MYO3B: variants seen among roughly 807,000 people sequenced by gnomAD.
The protein encoded by MYO3B is myosin-IIIb.
A neutral mutation model predicts 174.6 loss-of-function variants in MYO3B; 156 were observed. The ratio of observed to expected loss-of-function variants is 0.89; its 90% confidence interval spans 0.78 to 1.02. MYO3B has a LOEUF of 1.02. Among genes scored for constraint, MYO3B ranks in the 50% least tolerant of loss-of-function variants. MYO3B has a pLI of 0.00. For missense variants in MYO3B, 1,632 were observed against 1,639.4 expected, an observed-to-expected ratio of 1.00 and a Z score of 0.08; for synonymous variants, 563 against 569.1, an observed-to-expected ratio of 0.99 and a Z score of 0.15.
chr2:170,360,797 A>G (rs1574849333), intron 8 of MYO3B, among the ~76,000 whole-genome samples: 1 of 152,184 alleles, frequency 6.6e-6, no homozygotes, highest in Non-Finnish European at 1.5e-5. Context: ...TTGGCCTTCC[A>G]CTGTGTGAAG....
chr2:170,353,116 C>T (rs1558916198), intron 8 of MYO3B, among the ~76,000 whole-genome samples: 1 of 152,166 alleles, frequency 6.6e-6, no homozygotes, highest in Non-Finnish European at 1.5e-5. Flanking sequence ...GAATGTTTAT[C>T]ACAGTTTTAT....
At chr2:170,529,214 C>G (rs115663840) in intron 30 of MYO3B, among the ~76,000 whole-genome samples, 1 of 151,928 alleles carries the variant, frequency 6.6e-6, no homozygotes, top group East Asian at 1.9e-4. Context: ...GGTTAGAGGT[C>G]GGGAGGAGGA....
At chr2:170,436,949 A>G (rs1285880881) in intron 22 of MYO3B, among the ~76,000 whole-genome samples, 1 of 152,160 alleles carries the variant, frequency 6.6e-6, no homozygotes, top group Non-Finnish European at 1.5e-5. Flanking sequence ...ACAGCAAATA[A>G]TAATAAAATA....
intron 25 of MYO3B, among the ~76,000 whole-genome samples, chr2:170,474,969 T>A (rs553921768): frequency 1.3e-4 from 20 of 152,170 alleles, no homozygotes; most frequent in African/African-American, 4.8e-4. Context: ...TAAATATATA[T>A]AGTTACTATC....
chr2:170,637,365 GT>G, intron 32 of MYO3B, among the ~76,000 whole-genome samples: 1 of 152,064 alleles, frequency 6.6e-6, no homozygotes, highest in Middle Eastern at 3.4e-3. Context: ...TAGAGACAGG[GT>G]TTTGCTATGT....
intron 32 of MYO3B, among the ~76,000 whole-genome samples, chr2:170,596,309 C>T (rs181171264): frequency 4.9e-4 from 74 of 152,262 alleles, no homozygotes; most frequent in African/African-American, 1.7e-3. Flanking sequence ...ACCTGAACTC[C>T]CCCAAAAGCT....
chr2:170,381,224 G>C (rs1202257364), intron 9 of MYO3B, among the ~76,000 whole-genome samples: 1 of 152,166 alleles, frequency 6.6e-6, no homozygotes, highest in Non-Finnish European at 1.5e-5. Flanking sequence ...ACTACCCAGT[G>C]ATTAAAGTGA....
intron 25 of MYO3B, among the ~76,000 whole-genome samples, chr2:170,489,952 A>G (rs887190477): frequency 2.0e-5 from 3 of 151,200 alleles, no homozygotes; most frequent in African/African-American, 7.3e-5. Context: ...GGTTTTATAC[A>G]TTGTCAGATT....
chr2:170,648,841 C>G (rs1698613040), intron 32 of MYO3B, among the ~76,000 whole-genome samples: 2 of 100,772 alleles, frequency 2.0e-5, no homozygotes, highest in Non-Finnish European at 3.6e-5. Context: ...ATAATATATT[C>G]TATATTATAT....
At chr2:170,278,349 A>G (rs2093478761) in intron 7 of MYO3B, among the ~76,000 whole-genome samples, 2 of 152,268 alleles carry the variant, frequency 1.3e-5, no homozygotes, top group Admixed American at 6.5e-5. Flanking sequence ...TTTCCCTTAT[A>G]AAAGAGCTCT....
chr2:170,293,496 C>G (rs570616762), intron 7 of MYO3B, among the ~76,000 whole-genome samples: 36 of 152,218 alleles, frequency 2.4e-4, no homozygotes, highest in African/African-American at 7.7e-4. Context: ...GGTGGTAATA[C>G]TCTGTCAGAT....
At position 170,400,238 on chromosome 2, in the gene MYO3B, C is replaced by G. The variant is rs749143819; in HGVS notation, c.1842C>G (p.Asn614Lys). The G allele has an allele frequency of 1.7e-5, 28 of 1,613,788 alleles. No homozygotes were observed. In the African/African-American group the frequency reaches 2.5e-4, roughly 15 times the overall value. Reference protein sequence around the residue: ...RILAGILNIGNIEFAAISSQH... With the variant: ...RILAGILNIGKIEFAAISSQH... ...TGGCTGGGATTTTGAATATTGGGAA[C>G]ATTGAGTTCGCAGCTATTTCCTCTC... is the stretch of plus-strand genomic sequence containing the variant. Residue 614 changes from asparagine (N) to lysine (K), a missense_variant, in exon 17 of 35, where the codon AAC (asparagine) becomes AAG (lysine). By Grantham distance (94) the Asn-to-Lys change is moderately conservative (BLOSUM62 0). Coordinates refer to ENST00000408978, the MANE Select transcript of MYO3B (RefSeq NM_138995.5).
intron 7 of MYO3B, among the ~76,000 whole-genome samples, chr2:170,306,732 C>T (rs770490506): frequency 3.3e-5 from 5 of 152,114 alleles, no homozygotes; most frequent in Admixed American, 6.5e-5. Context: ...ACCTATCTGC[C>T]ATTGCATGTG....
At chr2:170,228,270 C>T (rs2092973789) in intron 6 of MYO3B, among the ~76,000 whole-genome samples, 1 of 152,152 alleles carries the variant, frequency 6.6e-6, no homozygotes, top group South Asian at 2.1e-4. Flanking sequence ...TGGTCATGAA[C>T]CAACTGTGTG....
At chr2:170,355,475 C>T (rs1049169993) in intron 8 of MYO3B, among the ~76,000 whole-genome samples, 1 of 152,200 alleles carries the variant, frequency 6.6e-6, no homozygotes, top group African/African-American at 2.4e-5. Context: ...TATCCTGCCT[C>T]TTTATCTAAT....
rs567162469 is a variant in MYO3B, at chr2:170,620,958, G to A, written c.3734-30670G>A. On this transcript the variant is annotated intron_variant, in intron 32 of 34. Transcript: ENST00000408978. ...GGTTAGAGTGCAGTGGCGGGATCTC[G>A]GCTCACTGCAGCCTCCGCCTCCCGG... Among the ~76,000 whole-genome samples the A allele has an allele frequency of 9.2e-5, 14 of 151,906 alleles. No homozygotes were observed. In the South Asian group the frequency reaches 2.7e-3, roughly 29 times the overall value.
intron 7 of MYO3B, among the ~76,000 whole-genome samples, chr2:170,273,272 G>T (rs1364930238): frequency 6.6e-6 from 1 of 152,086 alleles, no homozygotes; most frequent in African/African-American, 2.4e-5. Context: ...TTAGCCTGGA[G>T]CAACCCACCT....
At chr2:170,292,094 A>G (rs945263641) in intron 7 of MYO3B, among the ~76,000 whole-genome samples, 1 of 152,028 alleles carries the variant, frequency 6.6e-6, no homozygotes, top group Non-Finnish European at 1.5e-5. Context: ...AATTTTCTGC[A>G]TCTTGTAGTT....
chr2:170,521,669 C>T (rs75548255), intron 30 of MYO3B, among the ~76,000 whole-genome samples: 1 of 152,140 alleles, frequency 6.6e-6, no homozygotes, highest in Admixed American at 6.5e-5. Flanking sequence ...CCCCTGCTTT[C>T]CCATCTTTTA....
Sources: allele counts gnomAD v4.1 joint callset (sites outside exome capture counted in the v4.1 genomes callset), GRCh38; gene constraint gnomAD v4.1.1; transcripts MANE v1.5; gene names NCBI Gene and HGNC (gene_info 2026-07-23, HGNC 2026-07-21).